SIPA1L2: variants seen among roughly 807,000 people sequenced by gnomAD.
SIPA1L2 encodes signal induced proliferation associated 1 like 2, also known as signal-induced proliferation-associated 1-like protein 2.
SIPA1L2 carries 56 observed loss-of-function variants against 163.9 expected under a neutral mutation model. The ratio of observed to expected loss-of-function variants is 0.34; its 90% CI spans 0.28 to 0.43. The LOEUF is 0.43. Among genes scored for constraint, SIPA1L2 ranks in the 20% least tolerant of loss-of-function variants. The probability of loss-of-function intolerance (pLI) is 1.00; values close to 1 mark genes in which losing one functional copy is unlikely to be tolerated. For missense variants in SIPA1L2, 1,974 were observed against 2,193.5 expected (o/e 0.90, Z 2.00); for synonymous variants, 877 against 865.7 (o/e 1.01, Z -0.23).
At chr1:232,528,393 T>G (rs996717705) in intron 2 of SIPA1L2, among the ~76,000 whole-genome samples, 2 of 152,270 alleles carry the variant, frequency 1.3e-5, no homozygotes, top group East Asian at 3.9e-4. Flanking sequence ...TTTTTTCTAC[T>G]GTCGCAGGTT....
At chr1:232,408,530 C>T (rs1660772146) in intron 19 of SIPA1L2, among the ~76,000 whole-genome samples, 1 of 152,090 alleles carries the variant, frequency 6.6e-6, no homozygotes, top group Admixed American at 6.5e-5. Flanking sequence ...ATGATACCAG[C>T]TGTGAGTATT....
At chr1:232,494,840 G>A (rs1331834237) in intron 3 of SIPA1L2, among the ~76,000 whole-genome samples, 2 of 152,156 alleles carry the variant, frequency 1.3e-5, no homozygotes, top group Non-Finnish European at 2.9e-5. Context: ...ACCTCCAGGT[G>A]TTATTCATTT....
At position 232,515,013 on chromosome 1, in the gene SIPA1L2, G is replaced by C; in HGVS notation, c.327C>G (p.Ser109Arg). 1 of 1,614,186 alleles carries C rather than the reference G, an allele frequency of 6.2e-7. No homozygotes were observed. The highest frequency in any genetic ancestry group is 8.5e-7 in the Non-Finnish European group (1 of 1,180,032). The change falls in exon 3 of 23, where the codon AGC (serine) becomes AGG (arginine). Residue 109 changes from serine (S) to arginine (R), a missense_variant. Coordinates refer to ENST00000674635, the MANE Select transcript of SIPA1L2 (RefSeq NM_020808.5). ...WESRSQTSYESITSVLQNGQS... is the reference protein window; with the variant it reads ...WESRSQTSYERITSVLQNGQS... ...GCCCATTCTGCAGGACAGAAGTGAT[G>C]CTTTCATAACTGGTCTGAGACCGGC...
intron 18 of SIPA1L2, among the ~76,000 whole-genome samples, chr1:232,418,503 C>T (rs575924786): frequency 3.7e-4 from 56 of 152,330 alleles, no homozygotes; most frequent in Non-Finnish European, 7.2e-4. Flanking sequence ...GCCCACAGTG[C>T]GTGAGTGGGC....
At chr1:232,602,494 C>T (rs925827673) in intron 1 of SIPA1L2, among the ~76,000 whole-genome samples, 2 of 152,152 alleles carry the variant, frequency 1.3e-5, no homozygotes, top group African/African-American at 4.8e-5. Context: ...CCATGCCCAG[C>T]AGATTTTTGT....
intron 10 of SIPA1L2, among the ~76,000 whole-genome samples, chr1:232,452,021 G>T (rs1197976200): frequency 6.6e-6 from 1 of 150,570 alleles, no homozygotes; most frequent in African/African-American, 2.4e-5. Flanking sequence ...AGTTAAAAAT[G>T]TGGCATTATC....
At chr1:232,459,390 G>A (rs1375526593) in intron 10 of SIPA1L2, among the ~76,000 whole-genome samples, 5 of 152,184 alleles carry the variant, frequency 3.3e-5, no homozygotes, top group Non-Finnish European at 7.4e-5. Context: ...AGGAAACAGA[G>A]AAAGGAGAGA....
At chr1:232,593,458 A>G (rs1194561502) in intron 1 of SIPA1L2, among the ~76,000 whole-genome samples, 1 of 152,180 alleles carries the variant, frequency 6.6e-6, no homozygotes, top group African/African-American at 2.4e-5. Context: ...GCTTCATTTT[A>G]AGGCCTAATC....
At position 232,436,065 on chromosome 1, in the gene SIPA1L2, C is replaced by T. The variant is rs143752858; in HGVS notation, c.4031+3043G>A. ...AGAGTACACCATATACTGATTGGGG[C>T]TCCTGACACTGTGAACTGGGAATGG... On this transcript the variant is annotated intron_variant, in intron 15 of 22. Transcript: ENST00000674635. 6.9e-4 allele frequency among the ~76,000 whole-genome samples: 105 copies of T among 152,312 alleles called. No individual in the cohort carries two copies. The Middle Eastern group carries it at 0.014, about 20-fold the overall frequency.
intron 2 of SIPA1L2, among the ~76,000 whole-genome samples, chr1:232,551,481 C>T (rs1261337499): frequency 2.0e-5 from 3 of 151,994 alleles, no homozygotes; most frequent in South Asian, 2.1e-4. Context: ...GGATGAGCCA[C>T]GAGAATTTGA....
chr1:232,446,238 T>C (rs1210195159), intron 10 of SIPA1L2, among the ~76,000 whole-genome samples: 1 of 152,196 alleles, frequency 6.6e-6, no homozygotes, highest in Non-Finnish European at 1.5e-5. Flanking sequence ...TTTCTGGAGA[T>C]AACAAGTACT....
At position 232,483,969 on chromosome 1, in the gene SIPA1L2, G is replaced by A. The variant is rs1421217605; in HGVS notation, c.1807-3C>T. 1.2e-6 allele frequency: 2 copies of A among 1,601,962 alleles called. No individual in the cohort carries two copies. The highest frequency in any genetic ancestry group is 1.7e-6 in the Non-Finnish European group (2 of 1,176,714). On this transcript the variant is annotated splice_polypyrimidine_tract_variant and splice_region_variant and intron_variant, in intron 5 of 22. Transcript: ENST00000674635. ...CCGATCTTGTGCTGAAAGCTCAGCT[G>A]AAATGGGGGAGAAATATAATTACTT...
intron 16 of SIPA1L2, 27 bp downstream of exon 16, chr1:232,432,220 C>T (rs1662282736): frequency 1.3e-6 from 2 of 1,597,178 alleles, no homozygotes; most frequent in Non-Finnish European, 1.7e-6. Flanking sequence ...AAAATGCTGA[C>T]CAGAGAAGAA....
rs1169819183 is a variant in SIPA1L2 at position 232,423,300 on chromosome 1, G to A, written c.4630+2289C>T. Reference sequence around the variant, plus strand: ...CTTATGGTGGGTTTATCTGGACATGGCCCCATCGTAAGTCAAGGAGCATCT... The same window carrying A: ...CTTATGGTGGGTTTATCTGGACATGACCCCATCGTAAGTCAAGGAGCATCT... On this transcript the variant is annotated intron_variant, in intron 18 of 22. Transcript: ENST00000674635. Among the ~76,000 whole-genome samples, 4 of 152,266 alleles carry A rather than the reference G, an allele frequency of 2.6e-5. No individual in the cohort carries two copies. In the South Asian group the frequency reaches 6.2e-4, roughly 24 times the overall value.
At chr1:232,623,002 A>C (rs1662895217) in intron 1 of SIPA1L2, among the ~76,000 whole-genome samples, 1 of 152,230 alleles carries the variant, frequency 6.6e-6, no homozygotes, top group Non-Finnish European at 1.5e-5. Flanking sequence ...AGTAAACCAG[A>C]AATGTCCCTG....
intron 19 of SIPA1L2, among the ~76,000 whole-genome samples, chr1:232,411,956 C>T (rs575567705): frequency 1.4e-4 from 21 of 152,286 alleles, no homozygotes; most frequent in African/African-American, 4.3e-4. Context: ...TCTGGAAACA[C>T]GCCTCCTTTT....
chr1:232,486,790 G>A (rs146502422), intron 5 of SIPA1L2, among the ~76,000 whole-genome samples: 13 of 152,266 alleles, frequency 8.5e-5, no homozygotes, highest in African/African-American at 2.2e-4. Flanking sequence ...TCAGAAACCT[G>A]GAAAACAACT....
intron 1 of SIPA1L2, among the ~76,000 whole-genome samples, chr1:232,629,609 G>A (rs980167029): frequency 6.6e-6 from 1 of 152,190 alleles, no homozygotes; most frequent in Non-Finnish European, 1.5e-5. Context: ...TAACCTTTCA[G>A]CCGATCGATA....
intron 19 of SIPA1L2, among the ~76,000 whole-genome samples, chr1:232,410,252 T>A (rs1007675136): frequency 6.6e-6 from 1 of 152,168 alleles, no homozygotes; most frequent in Non-Finnish European, 1.5e-5. Flanking sequence ...ATCTCTCAAA[T>A]CTTAATTTTT....
Sources: allele counts gnomAD v4.1 joint callset (sites outside exome capture counted in the v4.1 genomes callset), GRCh38; gene constraint gnomAD v4.1.1; transcripts MANE v1.5; gene names NCBI Gene and HGNC (gene_info 2026-07-23, HGNC 2026-07-21).